The following RAB14 variants were observed in gnomAD, a reference collection of about 807,000 sequenced individuals.
RAB14 encodes ras-related protein Rab-14.
Under a neutral mutation model 31.1 loss-of-function variants are expected in RAB14, and 3 were observed. That is an observed-to-expected ratio of 0.10 (90% CI 0.04 to 0.25). The LOEUF is 0.25. Among genes scored for constraint, RAB14 ranks in the 10% least tolerant of loss-of-function variants. RAB14 has a pLI of 1.00. For synonymous variants in RAB14, 85 were observed against 84.9 expected, an observed-to-expected ratio of 1.00 and a Z score of 0.00; for missense variants, 111 against 260.1, an observed-to-expected ratio of 0.43 and a Z score of 3.94.
chr9:121,178,224 A>C lies in RAB14; in HGVS notation c.*3172T>G, dbSNP rs2053607788. 6.6e-6 allele frequency: 1 copy of C among 151,384 alleles called. No individual in the cohort carries two copies. The highest frequency in any genetic ancestry group is 2.5e-5 in the African/African-American group (1 of 40,734). The allele number at this position is 151,384 out of a possible 1,614,324, so 9.4% of individuals were successfully genotyped here. A position where few individuals can be genotyped will look rare whatever the true frequency, so the allele number is the denominator to read the frequency against. ...GATCAATGGAGTTACAATAAAGACA[A>C]TGAAAGTGACAATTTATTAATACAC... On this transcript the variant is annotated 3_prime_UTR_variant, in exon 8 of 8. Transcript: ENST00000373840.
chr9:121,201,319 C>G (rs576031494), intron 1 of RAB14, among the ~76,000 whole-genome samples: 12 of 152,250 alleles, frequency 7.9e-5, no homozygotes, highest in African/African-American at 2.9e-4. Flanking sequence ...CGGTCCTGCC[C>G]AGCCGCGCCG....
At chr9:121,190,826 T>A in intron 3 of RAB14, 95 bp from the exon 4 acceptor site, 1 of 1,212,158 alleles carries the variant, frequency 8.2e-7, no homozygotes, top group Non-Finnish European at 1.2e-6. Flanking sequence ...AATGGCTTAC[T>A]AATACTTACA....
At chr9:121,191,869 A>C (rs185047920) in intron 3 of RAB14, among the ~76,000 whole-genome samples, 10 of 152,274 alleles carry the variant, frequency 6.6e-5, no homozygotes, top group Admixed American at 5.2e-4. Flanking sequence ...TAAGACAATC[A>C]ATTCCTGTAA....
chr9:121,200,925 T>C (rs1363035688), intron 1 of RAB14, among the ~76,000 whole-genome samples: 2 of 152,206 alleles, frequency 1.3e-5, no homozygotes, highest in Non-Finnish European at 2.9e-5. Context: ...TCGTCTTCTC[T>C]TAGATTCTAG....
In RAB14 at chr9:121,181,280, TTC is replaced by T. The variant is rs879751005; in HGVS notation, c.*114_*115del. The T allele has an allele frequency of 7.1e-6, 8 of 1,132,078 alleles. No individual in the cohort carries two copies. The East Asian group carries it at 2.0e-4, about 29-fold the overall frequency. 70.1% of individuals were successfully genotyped at this position (1,132,078 alleles called of 1,614,324 possible). On this transcript the variant is annotated 3_prime_UTR_variant, in exon 8 of 8. Coordinates refer to ENST00000373840, the MANE Select transcript of RAB14 (RefSeq NM_016322.4). ...TAAACTGTTTTTACAACAGAGTTTTTTCTTTTTTTTTAATTAAACCCAGTAAG... is the reference window on the plus strand; with the variant it reads ...TAAACTGTTTTTACAACAGAGTTTTTTTTTTTTTTAATTAAACCCAGTAAG...
At chr9:121,193,539 G>GT in intron 1 of RAB14, 120 bp from the exon 2 acceptor site, 1 of 652,858 alleles carries the variant, frequency 1.5e-6, no homozygotes, top group South Asian at 1.9e-5. Flanking sequence ...GTTGGTTACA[G>GT]TAAGTCAAAA....
rs888807974 is a variant in RAB14 at position 121,179,686 on chromosome 9, A to T, written c.*1710T>A. On this transcript the variant is annotated 3_prime_UTR_variant, in exon 8 of 8. Transcript: ENST00000373840. The stretch of plus-strand genomic sequence containing the variant: ...CAAAGACAAAAATAAAAATGAATCC[A>T]CAAATTAACCAAAGCCTACTTTCTG... The T allele has an allele frequency of 6.5e-6, 1 of 152,686 alleles. No homozygotes were observed. Among genetic ancestry groups the T allele is most frequent in the Non-Finnish European group, 1.5e-5 (1 of 68,048 alleles). The allele number at this position is 152,686 out of a possible 1,614,324, so 9.5% of individuals were successfully genotyped here.
At chr9:121,198,938 T>TG (rs1554770207) in intron 1 of RAB14, among the ~76,000 whole-genome samples, 1 of 150,440 alleles carries the variant, frequency 6.6e-6, no homozygotes, top group East Asian at 1.9e-4. Flanking sequence ...CCCACCCACT[T>TG]AAAAAAAAAA....
At chr9:121,182,079 T>C (rs1296929579) in intron 7 of RAB14, among the ~76,000 whole-genome samples, 3 of 152,158 alleles carry the variant, frequency 2.0e-5, no homozygotes, top group Non-Finnish European at 4.4e-5. Flanking sequence ...CATACATACA[T>C]ACGTGTACTG....
At chr9:121,190,428 T>C in intron 4 of RAB14, 126 bp downstream of exon 4, 1 of 919,588 alleles carries the variant, frequency 1.1e-6, no homozygotes, top group Non-Finnish European at 1.5e-6. Flanking sequence ...TAAGAAACCA[T>C]AAAAAACAAG....
At chr9:121,191,354 T>C (rs1356439718) in intron 3 of RAB14, among the ~76,000 whole-genome samples, 2 of 152,102 alleles carry the variant, frequency 1.3e-5, no homozygotes, top group African/African-American at 4.8e-5. Flanking sequence ...GCATATATTT[T>C]AGAGACAGGG....
chr9:121,200,759 G>A (rs1336567944), intron 1 of RAB14, among the ~76,000 whole-genome samples: 1 of 152,208 alleles, frequency 6.6e-6, no homozygotes, highest in East Asian at 1.9e-4. Context: ...ACCATCAACA[G>A]CCAGACACAC....
chr9:121,198,099 G>C (rs528926592), intron 1 of RAB14, among the ~76,000 whole-genome samples: 1 of 151,926 alleles, frequency 6.6e-6, no homozygotes, highest in African/African-American at 2.4e-5. Context: ...AAAATACATG[G>C]ACAGGAGAAA....
intron 3 of RAB14, among the ~76,000 whole-genome samples, chr9:121,191,395 T>C (rs1405969238): frequency 6.6e-6 from 1 of 152,124 alleles, no homozygotes; most frequent in Non-Finnish European, 1.5e-5. Context: ...TGGAGTGCAG[T>C]AGCACAAGCA....
rs1433004949 is a variant in RAB14, at chr9:121,179,951, AT to A, written c.*1444del. ...CTGAATCATAAATGCAATAAAAAAA[AT>A]CAACAGAAATGAAGAACTTAATAAA... On this transcript the variant is annotated 3_prime_UTR_variant, in exon 8 of 8. Transcript: ENST00000373840. 1 of 152,432 alleles carries A rather than the reference AT, an allele frequency of 6.6e-6. No homozygotes were observed. The highest frequency in any genetic ancestry group is 1.5e-5 in the Non-Finnish European group (1 of 67,978). The allele number at this position is 152,432 out of a possible 1,614,324, so 9.4% of individuals were successfully genotyped here.
At chr9:121,193,465 A>G in intron 1 of RAB14, 46 bp from the exon 2 acceptor site, 1 of 1,281,108 alleles carries the variant, frequency 7.8e-7, no homozygotes, top group Non-Finnish European at 1.1e-6. Flanking sequence ...AAGCATATAC[A>G]AGTAATTCAA....
chr9:121,190,479 T>A (rs766779179), intron 4 of RAB14, 75 bp downstream of exon 4: 1 of 1,329,240 alleles, frequency 7.5e-7, no homozygotes, highest in Admixed American at 2.5e-5. Context: ...CTAAAAAAAA[T>A]GCCTATCAAT....
intron 1 of RAB14, among the ~76,000 whole-genome samples, chr9:121,201,209 G>T (rs1165458039): frequency 6.6e-6 from 1 of 152,208 alleles, no homozygotes; most frequent in Non-Finnish European, 1.5e-5. Context: ...CACGTCTGGG[G>T]CTTGCGGGCT....
Position 121,201,736 on chromosome 9 carries a change from G to C in RAB14, c.-105C>G, listed in dbSNP as rs1458584851. Reference sequence around the variant, plus strand: ...ACGCAGCGGGAGAGGGGGCGGGGGCGGTCGACCGAGGCGCCGGCAGGTACA... The same window carrying C: ...ACGCAGCGGGAGAGGGGGCGGGGGCCGTCGACCGAGGCGCCGGCAGGTACA... On this transcript the variant is annotated 5_prime_UTR_variant, in exon 1 of 8. Transcript: ENST00000373840. The C allele has an allele frequency of 6.5e-6, 1 of 152,890 alleles. No homozygotes were observed. The highest frequency in any genetic ancestry group is 1.5e-5 in the Non-Finnish European group (1 of 68,644). The allele number at this position is 152,890 out of a possible 1,614,324, so 9.5% of individuals were successfully genotyped here.
Sources: allele counts gnomAD v4.1 joint callset (sites outside exome capture counted in the v4.1 genomes callset), GRCh38; gene constraint gnomAD v4.1.1; transcripts MANE v1.5; gene names NCBI Gene and HGNC (gene_info 2026-07-23, HGNC 2026-07-21).